The following ATL3 variants were observed in gnomAD, a reference collection of about 807,000 sequenced individuals.
ATL3 encodes the protein atlastin GTPase 3, also known as atlastin-3.
A neutral mutation model predicts 69.5 loss-of-function variants in ATL3; 49 were observed. That is an observed-to-expected ratio of 0.71 (90% CI 0.56 to 0.89). ATL3 has a LOEUF of 0.89. ATL3 is among the 40% of genes least tolerant of loss of function. ATL3 has a pLI of 0.00. For synonymous variants in ATL3, 214 were observed against 224.1 expected, an observed-to-expected ratio of 0.95 and a Z score of 0.40; for missense variants, 606 against 645.7, an observed-to-expected ratio of 0.94 and a Z score of 0.67.
intron 12 of ATL3, 117 bp from the exon 13 acceptor site, chr11:63,629,522 T>G: frequency 1.2e-6 from 1 of 868,668 alleles, no homozygotes; most frequent in East Asian, 2.6e-5. Flanking sequence ...CAGAAAGCAG[T>G]TGAATGAAAA....
intron 5 of ATL3, among the ~76,000 whole-genome samples, chr11:63,648,354 T>A (rs1044015113): frequency 6.6e-6 from 1 of 152,018 alleles, no homozygotes; most frequent in African/African-American, 2.4e-5. Flanking sequence ...GCAAAAAAAA[T>A]AGACATTTAG....
intron 6 of ATL3, among the ~76,000 whole-genome samples, chr11:63,644,564 A>AT (rs572114593): frequency 2.6e-5 from 4 of 151,530 alleles, no homozygotes; most frequent in South Asian, 2.1e-4. Flanking sequence ...TTATTTTTTA[A>AT]TTTTTTTATA....
chr11:63,653,149 G>A (rs551964698), intron 3 of ATL3, among the ~76,000 whole-genome samples: 12 of 151,918 alleles, frequency 7.9e-5, no homozygotes, highest in South Asian at 2.1e-4. Flanking sequence ...TGGCCAACAC[G>A]GTGAAATCGT....
chr11:63,634,297 G>C (rs1375605868), intron 10 of ATL3, among the ~76,000 whole-genome samples: 1 of 151,558 alleles, frequency 6.6e-6, no homozygotes, highest in Non-Finnish European at 1.5e-5. Context: ...ACGAGGTCAG[G>C]AGATCGAGAT....
intron 1 of ATL3, among the ~76,000 whole-genome samples, chr11:63,669,956 A>T (rs868206055): frequency 2.6e-5 from 4 of 152,008 alleles, no homozygotes; most frequent in African/African-American, 2.4e-5. Flanking sequence ...CTCAAAAAAA[A>T]ATAGCCGCGC....
chr11:63,645,146 C>A (rs933126312), intron 6 of ATL3, among the ~76,000 whole-genome samples: 1 of 151,938 alleles, frequency 6.6e-6, no homozygotes, highest in Admixed American at 6.6e-5. Context: ...GTGGCTCATG[C>A]CTATAATCCC....
intron 1 of ATL3, among the ~76,000 whole-genome samples, chr11:63,660,812 T>C (rs776998016): frequency 1.3e-5 from 2 of 152,108 alleles, no homozygotes; most frequent in Non-Finnish European, 2.9e-5. Context: ...CTATCAATAA[T>C]AGTGTTTGCC....
intron 3 of ATL3, among the ~76,000 whole-genome samples, chr11:63,654,890 T>A (rs1166947806): frequency 2.7e-5 from 4 of 146,042 alleles, no homozygotes; most frequent in Non-Finnish European, 4.5e-5. Flanking sequence ...TGAGCAAGAC[T>A]GTCTAAAAAA....
rs779516116 is a variant in ATL3 at position 63,629,406 on chromosome 11, C to T, written c.1540-1G>A. On this transcript the variant is annotated splice_acceptor_variant, in intron 12 of 12. Coordinates refer to ENST00000398868, the MANE Select transcript of ATL3 (RefSeq NM_015459.5). LOFTEE classifies it high-confidence loss of function. ...TGGAATTACCGATATGAGAAGAAGC[C>T]TGCAAAAGTCCATTTATTCAACATA... The T allele has an allele frequency of 6.2e-7, 1 of 1,613,450 alleles. No homozygotes were observed. Among genetic ancestry groups the T allele is most frequent in the Non-Finnish European group, 8.5e-7 (1 of 1,179,404 alleles).
In ATL3 at chr11:63,656,927, G is replaced by T. The variant is rs553957356; in HGVS notation, c.405+1834C>A. 3.9e-4 allele frequency among the ~76,000 whole-genome samples: 59 copies of T among 151,882 alleles called. 1 individual carries two copies. The highest frequency in any genetic ancestry group is 3.9e-3 in the Admixed American group (59 of 15,232). ...CACTCCAGCACTTCAAAATATCAAA[G>T]GTGGCCAGGTGTGGTGGCTCACCCC... is the stretch of plus-strand genomic sequence containing the variant. On this transcript the variant is annotated intron_variant, in intron 3 of 12. Coordinates refer to ENST00000398868, the MANE Select transcript of ATL3 (RefSeq NM_015459.5).
intron 8 of ATL3, among the ~76,000 whole-genome samples, chr11:63,638,144 T>C (rs1020274838): frequency 3.3e-5 from 5 of 152,200 alleles, no homozygotes; most frequent in African/African-American, 1.2e-4. Flanking sequence ...ACAGACCCTA[T>C]ATGCTACTCA....
At chr11:63,645,173 G>A (rs1191320178) in intron 6 of ATL3, among the ~76,000 whole-genome samples, 12 of 152,066 alleles carry the variant, frequency 7.9e-5, no homozygotes, top group Non-Finnish European at 1.2e-4. Flanking sequence ...CTGGGAGGCC[G>A]AAGCAGGTGG....
At chr11:63,669,511 G>A (rs1940705941) in intron 1 of ATL3, among the ~76,000 whole-genome samples, 2 of 151,604 alleles carry the variant, frequency 1.3e-5, no homozygotes, top group Admixed American at 1.3e-4. Context: ...CTCCACCCTG[G>A]GCGAGAGAGC....
At chr11:63,659,578 AC>A (rs1453217953) in intron 1 of ATL3, among the ~76,000 whole-genome samples, 1 of 152,042 alleles carries the variant, frequency 6.6e-6, no homozygotes, top group African/African-American at 2.4e-5. Context: ...AGCTATGACC[AC>A]ACCACTGTAC....
At chr11:63,639,156 T>C (rs182256919) in intron 8 of ATL3, among the ~76,000 whole-genome samples, 3 of 152,226 alleles carry the variant, frequency 2.0e-5, no homozygotes, top group Admixed American at 2.0e-4. Flanking sequence ...CAATAAACTG[T>C]GTGTGGTTCT....
chr11:63,632,758 C>T, intron 11 of ATL3: 2 of 988,974 alleles, frequency 2.0e-6, no homozygotes, highest in Non-Finnish European at 3.2e-6. Flanking sequence ...TTATTGTCTC[C>T]TGCTCATGTG....
intron 11 of ATL3, chr11:63,632,562 G>GTT (rs1407449189): frequency 4.7e-6 from 4 of 852,126 alleles, no homozygotes; most frequent in African/African-American, 3.3e-5. Flanking sequence ...GTCATGTTTG[G>GTT]TTAGAAGGTG....
intron 10 of ATL3, 98 bp from the exon 11 acceptor site, chr11:63,633,195 T>C: frequency 1.0e-6 from 1 of 963,572 alleles, no homozygotes; most frequent in African/African-American, 1.6e-5. Context: ...CATTCTTCCT[T>C]TTTTATTAAC....
intron 5 of ATL3, among the ~76,000 whole-genome samples, chr11:63,649,178 A>C (rs1354154155): frequency 6.6e-6 from 1 of 152,224 alleles, no homozygotes; most frequent in East Asian, 1.9e-4. Flanking sequence ...ACTTATTTGG[A>C]AACAAAACCT....
Sources: allele counts gnomAD v4.1 joint callset (sites outside exome capture counted in the v4.1 genomes callset), GRCh38; gene constraint gnomAD v4.1.1; transcripts MANE v1.5; gene names NCBI Gene and HGNC (gene_info 2026-07-23, HGNC 2026-07-21).